The following MAGI1 variants were observed in gnomAD, a reference collection of about 807,000 sequenced individuals.
The protein encoded by MAGI1 is membrane-associated guanylate kinase, WW and PDZ domain-containing protein 1.
Under a neutral mutation model 139.9 loss-of-function variants are expected in MAGI1, and 58 were observed. The ratio of observed to expected loss-of-function variants is 0.41; its 90% CI spans 0.34 to 0.52. MAGI1 has a LOEUF of 0.52. MAGI1 is among the 20% of genes least tolerant of loss of function. The probability of loss-of-function intolerance (pLI) is 0.12; values close to 1 mark genes in which losing one functional copy is unlikely to be tolerated. For missense variants in MAGI1, 1,874 were observed against 1,901.6 expected (o/e 0.99, Z 0.27); for synonymous variants, 812 against 737.9 (o/e 1.10, Z -1.63).
chr3:65,863,974 A>G (rs2059637009), intron 1 of MAGI1, among the ~76,000 whole-genome samples: 1 of 152,192 alleles, frequency 6.6e-6, no homozygotes, highest in African/African-American at 2.4e-5. Context: ...GGTATAATTA[A>G]TTGATTATTG....
At chr3:65,625,793 C>A (rs1055498092) in intron 1 of MAGI1, among the ~76,000 whole-genome samples, 4 of 152,024 alleles carry the variant, frequency 2.6e-5, no homozygotes, top group African/African-American at 9.7e-5. Flanking sequence ...AAAATATAGA[C>A]CTAAGGAGAT....
At chr3:65,964,599 A>G (rs2064642772) in intron 1 of MAGI1, among the ~76,000 whole-genome samples, 1 of 152,186 alleles carries the variant, frequency 6.6e-6, no homozygotes. Flanking sequence ...TCCACAAGTT[A>G]TCACCGGTGA....
chr3:65,769,403 CAT>C (rs1477246607), intron 1 of MAGI1, among the ~76,000 whole-genome samples: 1 of 152,132 alleles, frequency 6.6e-6, no homozygotes, highest in Non-Finnish European at 1.5e-5. Context: ...GCAGGAAGAT[CAT>C]TTGAGACCAG....
chr3:65,936,930 G>GTGGTGATGGTGGTGGTGA (rs1276665393), intron 1 of MAGI1, among the ~76,000 whole-genome samples: 1 of 151,178 alleles, frequency 6.6e-6, no homozygotes, highest in Non-Finnish European at 1.5e-5. Context: ...GGTGGTGGTG[G>GTGGTGATGGTGGTGGTGA]TGGTGATGGT....
chr3:65,492,895 G>A (rs570886395), intron 3 of MAGI1, among the ~76,000 whole-genome samples: 3 of 152,038 alleles, frequency 2.0e-5, no homozygotes, highest in East Asian at 3.9e-4. Flanking sequence ...TGGCTAACAC[G>A]GTGAAACCCT....
intron 1 of MAGI1, among the ~76,000 whole-genome samples, chr3:65,915,552 G>C (rs2061858456): frequency 6.6e-6 from 1 of 152,128 alleles, no homozygotes; most frequent in South Asian, 2.1e-4. Context: ...TCCCTGAAGA[G>C]ACTGGACTGG....
chr3:65,776,394 T>C (rs946716405), intron 1 of MAGI1, among the ~76,000 whole-genome samples: 4 of 152,254 alleles, frequency 2.6e-5, no homozygotes, highest in Admixed American at 2.6e-4. Flanking sequence ...TCCAAAAATT[T>C]TTCAAAGCCT....
chr3:65,967,223 T>C (rs7637355), intron 1 of MAGI1, among the ~76,000 whole-genome samples: 51,367 of 152,116 alleles, frequency 0.34, 8,998 homozygotes, highest in Middle Eastern at 0.43. Context: ...GACAGCTATG[T>C]GATAAAACAG....
rs547054870 is a variant in MAGI1 at position 65,973,871 on chromosome 3, T to C, written c.313+64125A>G. ...CTTTTTGTTTTCAGAACAATTCATA[T>C]AATCAGGGAAAAAAATGTAAACAGT... is the stretch of plus-strand genomic sequence containing the variant. On this transcript the variant is annotated intron_variant, in intron 1 of 22. Coordinates refer to ENST00000402939, the MANE Select transcript of MAGI1 (RefSeq NM_001033057.2). 1.3e-3 allele frequency among the ~76,000 whole-genome samples: 191 copies of C among 152,278 alleles called. 1 individual carries two copies. Among genetic ancestry groups the C allele is most frequent in the African/African-American group, 4.5e-3 (185 of 41,558 alleles).
At chr3:65,561,819 G>C (rs528623980) in intron 2 of MAGI1, among the ~76,000 whole-genome samples, 5 of 152,184 alleles carry the variant, frequency 3.3e-5, no homozygotes, top group African/African-American at 1.2e-4. Flanking sequence ...GCAGAAATAC[G>C]CAACTCAACT....
At chr3:65,431,014 A>G in intron 10 of MAGI1, 133 bp from the exon 11 acceptor site, 3 of 801,358 alleles carry the variant, frequency 3.7e-6, no homozygotes, top group Non-Finnish European at 5.8e-6. Context: ...CATCTTAAGA[A>G]AGTCCTCTCT....
chr3:65,851,124 T>A (rs1332193721), intron 1 of MAGI1, among the ~76,000 whole-genome samples: 1 of 151,894 alleles, frequency 6.6e-6, no homozygotes, highest in Non-Finnish European at 1.5e-5. Context: ...AAAAAATGCC[T>A]CATTAGAAGG....
chr3:65,808,711 C>T (rs2041031369), intron 1 of MAGI1, among the ~76,000 whole-genome samples: 2 of 152,198 alleles, frequency 1.3e-5, no homozygotes, highest in Admixed American at 6.5e-5. Flanking sequence ...ACTCCAACAT[C>T]ATTCTCCACC....
chr3:66,023,593 C>T (rs1252645473), intron 1 of MAGI1, among the ~76,000 whole-genome samples: 3 of 152,124 alleles, frequency 2.0e-5, no homozygotes, highest in African/African-American at 7.2e-5. Context: ...AGATGACTAC[C>T]GGTCTTAGAG....
chr3:65,768,282 T>C (rs913061874), intron 1 of MAGI1, among the ~76,000 whole-genome samples: 1 of 152,132 alleles, frequency 6.6e-6, no homozygotes, highest in Non-Finnish European at 1.5e-5. Flanking sequence ...TAGCCAGGTA[T>C]GGTGGTGCCC....
chr3:65,998,328 G>A (rs1016342923), intron 1 of MAGI1, among the ~76,000 whole-genome samples: 2 of 152,142 alleles, frequency 1.3e-5, no homozygotes, highest in African/African-American at 4.8e-5. Flanking sequence ...ACCCCTGAGT[G>A]TGAGAATACT....
At chr3:65,484,442 A>G (rs1362962496) in intron 3 of MAGI1, among the ~76,000 whole-genome samples, 1 of 151,978 alleles carries the variant, frequency 6.6e-6, no homozygotes, top group African/African-American at 2.4e-5. Flanking sequence ...GGGCAATATC[A>G]CCCCCAAGGG....
At chr3:65,624,976 G>A (rs891078310) in intron 1 of MAGI1, among the ~76,000 whole-genome samples, 1 of 152,064 alleles carries the variant, frequency 6.6e-6, no homozygotes, top group Non-Finnish European at 1.5e-5. Flanking sequence ...AGACTCAAGC[G>A]ATTTTCATGC....
At position 65,581,797 on chromosome 3, in the gene MAGI1, C is replaced by T. The variant is rs573148480; in HGVS notation, c.430+40175G>A. Among the ~76,000 whole-genome samples the T allele has an allele frequency of 3.9e-5, 6 of 152,264 alleles. No individual in the cohort carries two copies. In the East Asian group the frequency reaches 1.2e-3, roughly 29 times the overall value. On this transcript the variant is annotated intron_variant, in intron 2 of 22. Coordinates refer to ENST00000402939, the MANE Select transcript of MAGI1 (RefSeq NM_001033057.2). Reference sequence around the variant, plus strand: ...TATCATTTTCAGATATACCATATAACTCACTTACTAATACTTTGCGGTCCT... The same window carrying T: ...TATCATTTTCAGATATACCATATAATTCACTTACTAATACTTTGCGGTCCT...
Sources: allele counts gnomAD v4.1 joint callset (sites outside exome capture counted in the v4.1 genomes callset), GRCh38; gene constraint gnomAD v4.1.1; transcripts MANE v1.5; gene names NCBI Gene and HGNC (gene_info 2026-07-23, HGNC 2026-07-21).